Variants in CLNK observed in about 807,000 individuals in gnomAD.
CLNK encodes cytokine-dependent hematopoietic cell linker.
Under a neutral mutation model 68.6 loss-of-function variants are expected in CLNK, and 74 were observed. The ratio of observed to expected loss-of-function variants is 1.08; its 90% CI spans 0.89 to 1.31. CLNK has a LOEUF of 1.31. Ranked by LOEUF, CLNK falls within the 50% of genes most tolerant of loss-of-function variation. The probability of loss-of-function intolerance (pLI) is 0.00; values close to 1 mark genes in which losing one functional copy is unlikely to be tolerated. For synonymous variants in CLNK, 198 were observed against 172.2 expected, an observed-to-expected ratio of 1.15 and a Z score of -1.17; for missense variants, 553 against 515.3, an observed-to-expected ratio of 1.07 and a Z score of -0.71.
intron 1 of CLNK, among the ~76,000 whole-genome samples, chr4:10,683,071 T>G (rs1437144836): frequency 6.6e-6 from 1 of 152,170 alleles, no homozygotes; most frequent in Non-Finnish European, 1.5e-5. Flanking sequence ...ATATAAATAT[T>G]ATATTATTGA....
intron 17 of CLNK, among the ~76,000 whole-genome samples, chr4:10,503,496 A>T (rs1717144222): frequency 6.7e-6 from 1 of 149,532 alleles, no homozygotes; most frequent in Non-Finnish European, 1.5e-5. Context: ...TAGATTATAT[A>T]TATAATGATT....
intron 12 of CLNK, chr4:10,531,309 C>A (rs1718528831): frequency 6.5e-6 from 1 of 152,736 alleles, no homozygotes; most frequent in African/African-American, 2.4e-5. Context: ...TCTCACATGA[C>A]TTTTATGCCA....
upstream of CLNK, among the ~76,000 whole-genome samples, chr4:10,688,720 A>C (rs781087490): frequency 6.6e-5 from 10 of 152,236 alleles, no homozygotes; most frequent in Non-Finnish European, 1.5e-4. Context: ...AAGAATACAC[A>C]GGTGTAACAC....
the CLNK span, among the ~76,000 whole-genome samples, chr4:10,713,271 G>A: frequency 6.6e-6 from 1 of 152,176 alleles, no homozygotes; most frequent in African/African-American, 2.4e-5. Flanking sequence ...GGATAAACTG[G>A]ATTGGATGGG....
intron 2 of CLNK, among the ~76,000 whole-genome samples, chr4:10,620,952 A>G (rs1380219162): frequency 6.6e-6 from 1 of 151,310 alleles, no homozygotes; most frequent in East Asian, 1.9e-4. Flanking sequence ...AATACAAAAA[A>G]AAAAAAAATT....
At chr4:10,551,995 G>A (rs991838894) in intron 8 of CLNK, among the ~76,000 whole-genome samples, 3 of 151,784 alleles carry the variant, frequency 2.0e-5, no homozygotes, top group South Asian at 2.1e-4. Context: ...TTACAGGTGC[G>A]CGTCAGAACG....
At chr4:10,620,075 A>G (rs572831099) in intron 2 of CLNK, among the ~76,000 whole-genome samples, 33 of 152,256 alleles carry the variant, frequency 2.2e-4, no homozygotes, top group African/African-American at 7.9e-4. Context: ...TTCACGGCCA[A>G]GTGAGAAATT....
intron 2 of CLNK, among the ~76,000 whole-genome samples, chr4:10,661,880 A>G (rs960805752): frequency 6.6e-6 from 1 of 152,174 alleles, no homozygotes; most frequent in African/African-American, 2.4e-5. Context: ...ATTCTGTCTC[A>G]CACAGCTATT....
chr4:10,509,479 C>T (rs937395085), intron 16 of CLNK, among the ~76,000 whole-genome samples: 3 of 152,100 alleles, frequency 2.0e-5, no homozygotes, highest in African/African-American at 7.2e-5. Context: ...CTCTGCCTAC[C>T]CAGCTCAGGC....
chr4:10,732,039 A>T, the CLNK span, among the ~76,000 whole-genome samples: 2 of 152,366 alleles, frequency 1.3e-5, no homozygotes, highest in East Asian at 3.9e-4. Context: ...AATTGGGAAG[A>T]CAAGTGCAGT....
intron 3 of CLNK, among the ~76,000 whole-genome samples, chr4:10,596,330 TA>T (rs1721385595): frequency 6.6e-6 from 1 of 152,182 alleles, no homozygotes; most frequent in South Asian, 2.1e-4. Context: ...TGGCTTCAAA[TA>T]TCACTTCTAA....
At chr4:10,732,287 A>G in the CLNK span, among the ~76,000 whole-genome samples, 1 of 152,200 alleles carries the variant, frequency 6.6e-6, no homozygotes, top group African/African-American at 2.4e-5. Context: ...CATCTGGCAC[A>G]TTACTGAAGG....
the CLNK span, among the ~76,000 whole-genome samples, chr4:10,689,974 G>C: frequency 7.2e-5 from 11 of 151,804 alleles, no homozygotes; most frequent in Admixed American, 2.0e-4. Flanking sequence ...TGTGATTTCT[G>C]TTTCACAACG....
At chr4:10,560,941 G>T (rs1288092266) in intron 7 of CLNK, among the ~76,000 whole-genome samples, 1 of 151,580 alleles carries the variant, frequency 6.6e-6, no homozygotes, top group African/African-American at 2.4e-5. Flanking sequence ...CTGTCACCCA[G>T]ACTAGAGTGA....
chr4:10,545,559 T>C (rs762005406), intron 8 of CLNK, among the ~76,000 whole-genome samples: 1 of 152,132 alleles, frequency 6.6e-6, no homozygotes, highest in Non-Finnish European at 1.5e-5. Context: ...TCAAGGGTCT[T>C]GGTGGCAGGC....
At chr4:10,589,908 C>T (rs905887616) in intron 3 of CLNK, among the ~76,000 whole-genome samples, 2 of 152,174 alleles carry the variant, frequency 1.3e-5, no homozygotes, top group African/African-American at 4.8e-5. Flanking sequence ...AAGGATGCAC[C>T]CTGGCTGCCT....
At chr4:10,707,417 T>A in the CLNK span, among the ~76,000 whole-genome samples, 17 of 152,258 alleles carry the variant, frequency 1.1e-4, no homozygotes, top group African/African-American at 4.1e-4. Flanking sequence ...AATTTCTTCA[T>A]AAATTGTCTG....
At chr4:10,590,030 G>T (rs984397935) in intron 3 of CLNK, among the ~76,000 whole-genome samples, 4 of 152,084 alleles carry the variant, frequency 2.6e-5, no homozygotes, top group African/African-American at 9.7e-5. Context: ...CTCCACATTT[G>T]GGCCTAAAGA....
intron 14 of CLNK, among the ~76,000 whole-genome samples, chr4:10,522,939 C>A (rs1363526924): frequency 6.6e-6 from 1 of 152,098 alleles, no homozygotes; most frequent in Non-Finnish European, 1.5e-5. Context: ...GCAGCATGTG[C>A]AAAGGCCCAG....
Sources: gnomAD v4.1 joint callset for allele counts (sites outside exome capture counted in the v4.1 genomes callset) on GRCh38, gnomAD v4.1.1 for gene constraint, MANE v1.5 for transcripts, NCBI Gene and HGNC (gene_info 2026-07-23, HGNC 2026-07-21) for gene names.